ADAMTS18: variants seen among roughly 807,000 people sequenced by gnomAD.
ADAMTS18 encodes the protein ADAM metallopeptidase with thrombospondin type 1 motif 18.
Under a neutral mutation model 165.9 loss-of-function variants are expected in ADAMTS18, and 157 were observed. The observed-to-expected ratio is 0.95, with a 90% confidence interval of 0.83 to 1.08. The LOEUF is 1.08. Ranked by LOEUF, ADAMTS18 falls within the 50% of genes least tolerant of loss-of-function variation. The probability of loss-of-function intolerance (pLI) is 0.00; values close to 1 mark genes in which losing one functional copy is unlikely to be tolerated. For synonymous variants in ADAMTS18, 782 were observed against 578.2 expected, an observed-to-expected ratio of 1.35 and a Z score of -5.06; for missense variants, 2,040 against 1,534.0, an observed-to-expected ratio of 1.33 and a Z score of -5.51.
intron 12 of ADAMTS18, among the ~76,000 whole-genome samples, chr16:77,330,595 T>A (rs561688255): frequency 8.4e-4 from 128 of 152,238 alleles, no homozygotes; most frequent in African/African-American, 3.1e-3. Context: ...ATTGGGAAGG[T>A]CCCTGAGGCA....
chr16:77,339,771 G>C (rs1180137468), intron 11 of ADAMTS18, among the ~76,000 whole-genome samples: 1 of 152,010 alleles, frequency 6.6e-6, no homozygotes, highest in African/African-American at 2.4e-5. Flanking sequence ...TCCTCATTGG[G>C]AATCCCTAAG....
chr16:77,364,756 A>AGAAAGAAAAG (rs369930423), intron 4 of ADAMTS18, among the ~76,000 whole-genome samples: 11,247 of 147,898 alleles, frequency 0.076, 1,108 homozygotes, highest in African/African-American at 0.22. Context: ...AAAGAAAAGA[A>AGAAAGAAAAG]GAAAGAAAAG....
intron 3 of ADAMTS18, among the ~76,000 whole-genome samples, chr16:77,371,343 G>T (rs4038550): frequency 2.6e-5 from 4 of 151,904 alleles, no homozygotes; most frequent in Non-Finnish European, 5.9e-5. Flanking sequence ...TGAGCAAAAA[G>T]GAACACAGCT....
chr16:77,367,646 G>A lies in ADAMTS18; in HGVS notation c.573C>T (p.Tyr191=), dbSNP rs188959345. ...GAGGATGGTGACCCGCAGGGGAGCT[G>A]TAGTTGTGTTCCTGGGCCAGAAGCT... The part of the protein sequence containing the change: ...LPQLLAQEHN[Y]SSPAGHHPHV... The change falls in exon 4 of 23, where the codon TAC becomes TAT. Residue 191 remains tyrosine (Y), a synonymous_variant. Coordinates refer to ENST00000282849, the MANE Select transcript of ADAMTS18 (RefSeq NM_199355.4). 56 of 1,614,188 alleles carry A rather than the reference G, an allele frequency of 3.5e-5. No individual in the cohort carries two copies. The East Asian group carries it at 1.2e-3, about 35-fold the overall frequency.
intron 3 of ADAMTS18, among the ~76,000 whole-genome samples, chr16:77,416,380 C>G (rs371897404): frequency 6.6e-6 from 1 of 152,154 alleles, no homozygotes; most frequent in African/African-American, 2.4e-5. Context: ...GGCTATGTCC[C>G]TACCCAAATG....
At chr16:77,371,273 A>AAACAC (rs2056872653) in intron 3 of ADAMTS18, among the ~76,000 whole-genome samples, 1 of 152,144 alleles carries the variant, frequency 6.6e-6, no homozygotes, top group Admixed American at 6.5e-5. Flanking sequence ...AGAAAAAAGA[A>AAACAC]AACACAATCC....
At chr16:77,416,745 T>C (rs77794971) in intron 3 of ADAMTS18, among the ~76,000 whole-genome samples, 1,769 of 152,230 alleles carry the variant, frequency 0.012, 45 homozygotes, top group African/African-American at 0.041. Flanking sequence ...AGCCATGAGC[T>C]GGTAGAGAAG....
intron 10 of ADAMTS18, among the ~76,000 whole-genome samples, chr16:77,347,320 G>A (rs2056492198): frequency 6.6e-6 from 1 of 152,112 alleles, no homozygotes; most frequent in Admixed American, 6.5e-5. Context: ...ATACCATGGA[G>A]TACATTTGCT....
intron 3 of ADAMTS18, among the ~76,000 whole-genome samples, chr16:77,378,469 T>A (rs753066846): frequency 3.6e-4 from 54 of 151,876 alleles, no homozygotes; most frequent in Admixed American, 2.5e-3. Flanking sequence ...AATCCCAGCA[T>A]GTTGGGAGGC....
intron 12 of ADAMTS18, among the ~76,000 whole-genome samples, chr16:77,334,978 A>G (rs1043150693): frequency 2.1e-5 from 3 of 143,388 alleles, no homozygotes; most frequent in African/African-American, 7.7e-5. Context: ...ATATTATAGT[A>G]TATAGTAGTA....
chr16:77,306,532 G>A (rs917505541), intron 16 of ADAMTS18, among the ~76,000 whole-genome samples: 1 of 152,034 alleles, frequency 6.6e-6, no homozygotes, highest in African/African-American at 2.4e-5. Flanking sequence ...AGTCAGCTTT[G>A]TATTTGTTTC....
At position 77,383,868 on chromosome 16, in the gene ADAMTS18, G is replaced by A. The variant is rs191738007; in HGVS notation, c.496-16145C>T. On this transcript the variant is annotated intron_variant, in intron 3 of 22. Coordinates refer to ENST00000282849, the MANE Select transcript of ADAMTS18 (RefSeq NM_199355.4). ...AAAAGCTGACTGGGGAAACAAGGTT[G>A]GCTTTGTTTCAATAGGATGCTTCAA... Among the ~76,000 whole-genome samples the A allele has an allele frequency of 2.6e-5, 4 of 152,220 alleles. No homozygotes were observed. The East Asian group carries it at 7.8e-4, about 30-fold the overall frequency.
intron 3 of ADAMTS18, among the ~76,000 whole-genome samples, chr16:77,382,152 C>G (rs1443595784): frequency 6.6e-6 from 1 of 152,206 alleles, no homozygotes; most frequent in African/African-American, 2.4e-5. Context: ...GATACCATAT[C>G]TTCCCAGCCC....
At chr16:77,331,888 G>A (rs959929463) in intron 12 of ADAMTS18, among the ~76,000 whole-genome samples, 6 of 152,134 alleles carry the variant, frequency 3.9e-5, no homozygotes, top group Non-Finnish European at 8.8e-5. Flanking sequence ...ATATTTTGGG[G>A]AAAAAATAGA....
At chr16:77,286,345 A>ATTGGTTGATTTGTTGTCCGTTTC (rs1337977103) in intron 22 of ADAMTS18, among the ~76,000 whole-genome samples, 2 of 152,168 alleles carry the variant, frequency 1.3e-5, no homozygotes, top group East Asian at 3.9e-4. Context: ...CTGTGTGCTA[A>ATTGGTTGATTTGTTGTCCGTTTC]TTGGTTGATT....
rs760821227 is a variant in ADAMTS18 at position 77,320,084 on chromosome 16, G to A, written c.2297C>T (p.Pro766Leu). The change falls in exon 16 of 23, where the codon CCG (proline) becomes CTG (leucine). Residue 766 changes from proline (P) to leucine (L), a missense_variant. Transcript: ENST00000282849. ...GGCGCCAGCTGGAATGAGGACCACC[G>A]GATAATATTCTAAATGGAAAGAAGA... ...LNQHKANEYY[P>L]VVLIPAGARS... The A allele has an allele frequency of 2.3e-5, 37 of 1,613,988 alleles. No homozygotes were observed. The highest frequency in any genetic ancestry group is 2.7e-5 in the African/African-American group (2 of 75,004).
chr16:77,285,522 A>G (rs947819671), intron 22 of ADAMTS18, among the ~76,000 whole-genome samples: 5 of 152,216 alleles, frequency 3.3e-5, no homozygotes, highest in African/African-American at 1.2e-4. Flanking sequence ...TATTTAGAGT[A>G]TACACTACAC....
At chr16:77,354,962 G>A (rs895875904) in intron 9 of ADAMTS18, among the ~76,000 whole-genome samples, 40 of 152,206 alleles carry the variant, frequency 2.6e-4, no homozygotes, top group African/African-American at 8.4e-4. Context: ...CTAACAAAAA[G>A]TCTGTTGATT....
chr16:77,326,156 T>TACACTGTGGCAATGAAGATGAGCACTGCC, intron 12 of ADAMTS18, 118 bp from the exon 13 acceptor site: 1 of 937,238 alleles, frequency 1.1e-6, no homozygotes, highest in Non-Finnish European at 1.7e-6. Flanking sequence ...TGCAAAGGCA[T>TACACTGTGGCAATGAAGATGAGCACTGCC]ACAGTCTATT....
Sources: gnomAD v4.1 joint callset for allele counts (sites outside exome capture counted in the v4.1 genomes callset) on GRCh38, gnomAD v4.1.1 for gene constraint, MANE v1.5 for transcripts, NCBI Gene and HGNC (gene_info 2026-07-23, HGNC 2026-07-21) for gene names.